The following TTC34 variants were observed in gnomAD, a reference collection of about 807,000 sequenced individuals.
TTC34 encodes the protein tetratricopeptide repeat protein 34.
Under a neutral mutation model 40.7 loss-of-function variants are expected in TTC34, and 44 were observed. The observed-to-expected ratio is 1.08, with a 90% CI of 0.85 to 1.39. TTC34 has a LOEUF of 1.39. Among genes scored for constraint, TTC34 ranks in the 40% most tolerant of loss-of-function variants. TTC34 has a pLI of 0.00. For missense variants in TTC34, 884 were observed against 838.0 expected, an observed-to-expected ratio of 1.05 and a Z score of -0.68; for synonymous variants, 422 against 398.6, an observed-to-expected ratio of 1.06 and a Z score of -0.70.
chr1:2,755,680 A>G (rs1255525985), intron 6 of TTC34, among the ~76,000 whole-genome samples: 1 of 100,478 alleles, frequency 1.0e-5, no homozygotes, highest in Non-Finnish European at 1.9e-5. Context: ...TGAGCATCTG[A>G]CATCGTGGAG....
chr1:2,695,012 A>G (rs1483211595), intron 6 of TTC34, among the ~76,000 whole-genome samples: 2 of 152,218 alleles, frequency 1.3e-5, no homozygotes, highest in African/African-American at 4.8e-5. Flanking sequence ...AGGATCTGAC[A>G]GCCTGGAACA....
chr1:2,750,134 G>A (rs1281550155), intron 6 of TTC34, among the ~76,000 whole-genome samples: 15 of 133,226 alleles, frequency 1.1e-4, no homozygotes, highest in African/African-American at 4.3e-4. Context: ...ACCCAGGTGA[G>A]CATCCGACAG....
At chr1:2,644,158 C>T in intron 8 of TTC34, 106 bp downstream of exon 8, 1 of 1,210,646 alleles carries the variant, frequency 8.3e-7, no homozygotes, top group Admixed American at 2.3e-5. Context: ...GAAATCAACC[C>T]AACCGCAGAG....
chr1:2,652,010 T>G (rs1418015287), intron 6 of TTC34, among the ~76,000 whole-genome samples: 3 of 104,950 alleles, frequency 2.9e-5, no homozygotes, highest in African/African-American at 7.4e-5. Context: ...ATACCCCAGG[T>G]GAGCACCTGA....
chr1:2,650,886 A>G (rs1032047153), intron 6 of TTC34, among the ~76,000 whole-genome samples: 1 of 148,498 alleles, frequency 6.7e-6, no homozygotes. Flanking sequence ...AGCAGCTGAC[A>G]GGCTGCAACA....
intron 6 of TTC34, among the ~76,000 whole-genome samples, chr1:2,748,503 C>G (rs1569683200): frequency 2.1e-4 from 10 of 47,452 alleles, no homozygotes; most frequent in South Asian, 6.1e-4. Flanking sequence ...ATCCGATAGC[C>G]TGGAGCAGCA....
intron 6 of TTC34, among the ~76,000 whole-genome samples, chr1:2,693,991 C>A (rs1409102231): frequency 3.0e-5 from 3 of 100,080 alleles, no homozygotes; most frequent in South Asian, 6.1e-4. Context: ...CGCACACACC[C>A]AGGTGAGCAT....
At chr1:2,759,633 C>CGA in intron 6 of TTC34, among the ~76,000 whole-genome samples, 1 of 151,970 alleles carries the variant, frequency 6.6e-6, no homozygotes, top group South Asian at 2.1e-4. Flanking sequence ...GGAACAGCAC[C>CGA]CACACCCCCA....
chr1:2,760,007 GGTGA>G (rs1641643412), intron 6 of TTC34, among the ~76,000 whole-genome samples: 2 of 135,342 alleles, frequency 1.5e-5, no homozygotes, highest in Non-Finnish European at 3.1e-5. Flanking sequence ...CACAACCACA[GGTGA>G]GCATCGGAGA....
At chr1:2,750,274 G>A (rs1346721456) in intron 6 of TTC34, among the ~76,000 whole-genome samples, 210 of 10,736 alleles carry the variant, frequency 0.02, 1 homozygote, top group East Asian at 0.035. Flanking sequence ...GCCTGGAAAA[G>A]AGCCCAGACC....
intron 6 of TTC34, among the ~76,000 whole-genome samples, chr1:2,650,361 C>T (rs182032998): frequency 6.6e-6 from 1 of 151,648 alleles, no homozygotes; most frequent in Admixed American, 6.6e-5. Context: ...ATCTGACAGC[C>T]TGGAATGGCA....
At chr1:2,788,133 C>T (rs114858168) in intron 3 of TTC34, among the ~76,000 whole-genome samples, 3,366 of 152,316 alleles carry the variant, frequency 0.022, 65 homozygotes, top group Middle Eastern at 0.068. Flanking sequence ...GGAAATGGGG[C>T]CAGATCCTCA....
intron 6 of TTC34, among the ~76,000 whole-genome samples, chr1:2,683,588 CA>C (rs1471627730): frequency 6.9e-5 from 10 of 145,768 alleles, no homozygotes; most frequent in South Asian, 6.4e-4. Context: ...GAACAGCACC[CA>C]CACACTCAGG....
intron 2 of TTC34, among the ~76,000 whole-genome samples, chr1:2,797,344 G>A (rs1288871104): frequency 6.6e-6 from 1 of 152,228 alleles, no homozygotes; most frequent in Admixed American, 6.5e-5. Flanking sequence ...GAGCCGCAGT[G>A]CCTTGCAGGA....
intron 6 of TTC34, among the ~76,000 whole-genome samples, chr1:2,650,059 T>A (rs1639097724): frequency 6.6e-6 from 1 of 151,442 alleles, no homozygotes; most frequent in Admixed American, 6.6e-5. Flanking sequence ...CATCCCCAGG[T>A]GAGCCTCTGA....
chr1:2,688,441 G>T lies in TTC34; in HGVS notation c.2227-42878C>A, dbSNP rs61765689. Among the ~76,000 whole-genome samples the T allele has an allele frequency of 3.5e-4, 10 of 28,896 alleles. No individual in the cohort carries two copies. The South Asian group carries it at 9.8e-3, about 28-fold the overall frequency. 19.0% of individuals were successfully genotyped at this position (28,896 alleles called of 152,430 possible). A position where few individuals can be genotyped will look rare whatever the true frequency, so the allele number is the denominator to read the frequency against. ...GTGAGCATCCGACAGCCTGGAGCAG[G>T]ACCCACACCCCTAGGTGAACATCCG... is the stretch of plus-strand genomic sequence containing the variant. On this transcript the variant is annotated intron_variant, in intron 6 of 8. Coordinates refer to ENST00000401095, the Ensembl canonical transcript of TTC34.
chr1:2,754,815 A>C lies in TTC34; in HGVS notation c.2226+28794T>G, dbSNP rs1380138790. The stretch of plus-strand genomic sequence containing the variant: ...CATCTGACAGCCTGGAACAGAAACC[A>C]CACCCCCAGGTGAGCATCTGACAGA... On this transcript the variant is annotated intron_variant, in intron 6 of 8. Transcript: ENST00000401095. Among the ~76,000 whole-genome samples the C allele has an allele frequency of 1.1e-3, 156 of 146,144 alleles. No homozygotes were observed. The Middle Eastern group carries it at 0.019, about 18-fold the overall frequency.
chr1:2,749,706 T>C (rs1295962976), intron 6 of TTC34, among the ~76,000 whole-genome samples: 38 of 21,538 alleles, frequency 1.8e-3, no homozygotes, highest in East Asian at 8.4e-3. Context: ...CATCTGACAG[T>C]CTGGAACAGC....
chr1:2,751,279 A>T (rs1374100104), intron 6 of TTC34, among the ~76,000 whole-genome samples: 51 of 101,250 alleles, frequency 5.0e-4, no homozygotes, highest in Middle Eastern at 6.1e-3. Context: ...CTGGAACAGC[A>T]CCCACACACC....
Sources: allele counts gnomAD v4.1 joint callset (sites outside exome capture counted in the v4.1 genomes callset), GRCh38; gene constraint gnomAD v4.1.1; transcripts MANE v1.5; gene names NCBI Gene and HGNC (gene_info 2026-07-23, HGNC 2026-07-21).